The following CAPS2 variants were observed in gnomAD, a reference collection of about 807,000 sequenced individuals.
CAPS2 encodes the protein calcyphosine 2, also known as calcyphosin-2.
A neutral mutation model predicts 86.5 loss-of-function variants in CAPS2; 98 were observed. That is an observed-to-expected ratio of 1.13 (90% CI 0.96 to 1.34). The LOEUF is 1.34. Ranked by LOEUF, CAPS2 falls within the 40% of genes most tolerant of loss-of-function variation. The pLI, the probability that CAPS2 is intolerant of heterozygous loss-of-function variation, is 0.00. For synonymous variants in CAPS2, 210 were observed against 225.1 expected, an observed-to-expected ratio of 0.93 and a Z score of 0.60; for missense variants, 729 against 686.8, an observed-to-expected ratio of 1.06 and a Z score of -0.69.
At chr12:75,321,409 T>C in exon 5 of CAPS2, 1 of 1,534,970 alleles carries the variant, frequency 6.5e-7, no homozygotes, top group Non-Finnish European at 8.8e-7. Context: ...CCTTTTCATC[T>C]ATCTTGTTTC....
At chr12:75,302,894 G>A (rs1276393523) in intron 8 of CAPS2, among the ~76,000 whole-genome samples, 1 of 152,152 alleles carries the variant, frequency 6.6e-6, no homozygotes, top group Admixed American at 6.5e-5. Flanking sequence ...AAGATATGGT[G>A]CAACAAGAAC....
intron 1 of CAPS2, among the ~76,000 whole-genome samples, chr12:75,379,525 A>G (rs2139794001): frequency 6.6e-6 from 1 of 152,278 alleles, no homozygotes; most frequent in East Asian, 1.9e-4. Context: ...TAGTGACTTT[A>G]AGTAACCCTC....
chr12:75,329,860 C>T (rs1185895140), upstream of CAPS2: 1 of 1,543,760 alleles, frequency 6.5e-7, no homozygotes, highest in Middle Eastern at 1.7e-4. Flanking sequence ...AATTCCCCAT[C>T]CCCTACCTAA....
chr12:75,352,226 A>C (rs2042861946), intron 1 of CAPS2, among the ~76,000 whole-genome samples: 1 of 152,246 alleles, frequency 6.6e-6, no homozygotes, highest in Admixed American at 6.5e-5. Context: ...CTGGATAAAG[A>C]GCCAACATCC....
chr12:75,279,083 G>A lies in CAPS2; in HGVS notation c.1613-18C>T, dbSNP rs775231849. ...TGAATGGCCTATAAAATAGTACTGA[G>A]TATGAAACAGTTTCCTGAAAAGTTC... is the stretch of plus-strand genomic sequence containing the variant. On this transcript the variant is annotated intron_variant, in intron 16 of 16. Transcript: ENST00000393284. The A allele has an allele frequency of 2.0e-6, 3 of 1,501,128 alleles. No individual in the cohort carries two copies. The African/African-American group carries it at 4.3e-5, about 21-fold the overall frequency. The allele number at this position is 1,501,128 out of a possible 1,614,324, so 93.0% of individuals were successfully genotyped here.
chr12:75,366,896 G>C lies in CAPS2; in HGVS notation c.-395+23942C>G, dbSNP rs538703574. On this transcript the variant is annotated intron_variant, in intron 1 of 5. Coordinates refer to the CAPS2 transcript ENST00000551829. ...TAATTTTGTTGAGGGTTCCCTGTAG[G>C]GCCACTGCATGTCAAAAGGGGTTAA... 90 of 701,398 alleles carry C rather than the reference G, an allele frequency of 1.3e-4. No homozygotes were observed. The Middle Eastern group carries it at 8.1e-3, about 63-fold the overall frequency. 43.4% of individuals were successfully genotyped at this position (701,398 alleles called of 1,614,324 possible). A position where few individuals can be genotyped will look rare whatever the true frequency, so the allele number is the denominator to read the frequency against.
chr12:75,345,635 C>T (rs1777186577), intron 1 of CAPS2, among the ~76,000 whole-genome samples: 1 of 152,080 alleles, frequency 6.6e-6, no homozygotes, highest in Non-Finnish European at 1.5e-5. Flanking sequence ...AGACACTCTC[C>T]AGGACATCAG....
upstream of CAPS2, among the ~76,000 whole-genome samples, chr12:75,327,313 A>G (rs905828699): frequency 3.3e-5 from 5 of 152,166 alleles, no homozygotes; most frequent in Non-Finnish European, 7.4e-5. Flanking sequence ...AGTATTCTTC[A>G]TCTAGAACAA....
chr12:75,359,559 C>T (rs147756195), intron 1 of CAPS2, among the ~76,000 whole-genome samples: 222 of 151,604 alleles, frequency 1.5e-3, no homozygotes, highest in African/African-American at 5.0e-3. Context: ...TTTTCAAGTG[C>T]TAATAATATG....
chr12:75,345,366 T>A (rs2042382158), intron 1 of CAPS2, among the ~76,000 whole-genome samples: 1 of 152,134 alleles, frequency 6.6e-6, no homozygotes, highest in Non-Finnish European at 1.5e-5. Flanking sequence ...TTATTTCAGA[T>A]AGAAGTGTAA....
chr12:75,340,814 A>T (rs889673181), intron 1 of CAPS2, among the ~76,000 whole-genome samples: 8 of 152,132 alleles, frequency 5.3e-5, no homozygotes, highest in Non-Finnish European at 1.0e-4. Flanking sequence ...ATGGAAAATA[A>T]GCACATGAAA....
chr12:75,323,779 C>T (rs140636804), intron 2 of CAPS2, among the ~76,000 whole-genome samples: 4 of 152,252 alleles, frequency 2.6e-5, no homozygotes, highest in African/African-American at 9.6e-5. Flanking sequence ...ACTCAAAATT[C>T]ATCACTTCCT....
At chr12:75,353,015 T>C (rs989709415) in intron 1 of CAPS2, among the ~76,000 whole-genome samples, 6 of 152,304 alleles carry the variant, frequency 3.9e-5, no homozygotes, top group African/African-American at 9.6e-5. Flanking sequence ...GGGAAATTTA[T>C]AGTGCTAAAT....
intron 11 of CAPS2, among the ~76,000 whole-genome samples, chr12:75,295,987 A>T (rs746313204): frequency 1.3e-5 from 2 of 152,210 alleles, no homozygotes; most frequent in Non-Finnish European, 2.9e-5. Context: ...AGAGCCAAAG[A>T]ATCTGCAATT....
At chr12:75,280,745 C>T (rs922270132) in intron 16 of CAPS2, among the ~76,000 whole-genome samples, 20 of 151,476 alleles carry the variant, frequency 1.3e-4, no homozygotes, top group East Asian at 5.8e-4. Flanking sequence ...CAAACTATTT[C>T]GACAAGAAAT....
upstream of CAPS2, among the ~76,000 whole-genome samples, chr12:75,333,328 G>C (rs542746847): frequency 1.3e-5 from 2 of 151,878 alleles, no homozygotes; most frequent in Non-Finnish European, 2.9e-5. Flanking sequence ...GTGTGTATAT[G>C]TATGTGTGTA....
intron 1 of CAPS2, among the ~76,000 whole-genome samples, chr12:75,339,168 G>A (rs1445785866): frequency 6.6e-6 from 1 of 152,130 alleles, no homozygotes; most frequent in Non-Finnish European, 1.5e-5. Flanking sequence ...GATCTTTGAG[G>A]AATTGCCACA....
chr12:75,306,761 C>T (rs2038552172), intron 7 of CAPS2, among the ~76,000 whole-genome samples: 1 of 152,084 alleles, frequency 6.6e-6, no homozygotes. Flanking sequence ...AGAGAAAAGT[C>T]AAGGCCCCTC....
chr12:75,292,714 A>G, intron 12 of CAPS2, among the ~76,000 whole-genome samples: 1 of 147,392 alleles, frequency 6.8e-6, no homozygotes, highest in East Asian at 1.9e-4. Context: ...ATTATATATT[A>G]TATATAATAT....
Sources: gnomAD v4.1 joint callset for allele counts (sites outside exome capture counted in the v4.1 genomes callset) on GRCh38, gnomAD v4.1.1 for gene constraint, MANE v1.5 for transcripts, NCBI Gene and HGNC (gene_info 2026-07-23, HGNC 2026-07-21) for gene names.